Variants in ITPRID2 observed in about 807,000 individuals in gnomAD.
The protein encoded by ITPRID2 is protein ITPRID2.
In ITPRID2, 60 loss-of-function variants were observed where a neutral mutation model predicts 124.3. The ratio of observed to expected loss-of-function variants is 0.48; its 90% confidence interval spans 0.39 to 0.60. The LOEUF (loss-of-function observed/expected upper bound fraction) is 0.60, where lower values mean the gene tolerates loss of function less well. Among genes scored for constraint, ITPRID2 ranks in the 20% least tolerant of loss-of-function variants. The probability of loss-of-function intolerance (pLI) is 0.00; values close to 1 mark genes in which losing one functional copy is unlikely to be tolerated. For missense variants in ITPRID2, 1,553 were observed against 1,512.2 expected, an observed-to-expected ratio of 1.03 and a Z score of -0.45; for synonymous variants, 521 against 542.9, an observed-to-expected ratio of 0.96 and a Z score of 0.56.
chr2:181,922,145 CA>C lies in ITPRID2; in HGVS notation c.3411del (p.Lys1137AsnfsTer6). Reference sequence around the variant, plus strand: ...GAGTACCTTCTACTGCCTCAGTGGGCAAATCCAAAACCCCATTAGTGGCAAG... The same window carrying C: ...GAGTACCTTCTACTGCCTCAGTGGGCAATCCAAAACCCCATTAGTGGCAAG... ...TGVPSTASVG[K>X]SKTPLVARKK... On this transcript the variant is annotated frameshift_variant, in exon 16 of 18. Transcript: ENST00000431877. LOFTEE classifies it high-confidence loss of function. 6.2e-7 allele frequency: 1 copy of C among 1,614,228 alleles called. No individual in the cohort carries two copies. Among genetic ancestry groups the C allele is most frequent in the Non-Finnish European group, 8.5e-7 (1 of 1,180,044 alleles).
rs544408429 is a variant in ITPRID2, at chr2:181,928,169, G to C, written c.3684G>C (p.Glu1228Asp). 1.3e-6 allele frequency: 2 copies of C among 1,545,684 alleles called. No individual in the cohort carries two copies. The highest frequency in any genetic ancestry group is 8.7e-7 in the Non-Finnish European group (1 of 1,143,450). Residue 1228 changes from glutamate to aspartate, a missense_variant, in exon 17 of 18, where the codon GAG becomes GAC. Physicochemically the swap from Glu to Asp is conservative, Grantham distance 45. Transcript: ENST00000431877. ...TTGTTTTTCCAATCTAGATTAAAGA[G>C]TCTATTGTTGGGGAAATCAGACGGG... ...ELQQVIREIK[E>D]SIVGEIRREI...
At chr2:181,929,430 G>A (rs1695118614) in intron 17 of ITPRID2, 131 bp from the exon 18 acceptor site, 1 of 512,426 alleles carries the variant, frequency 2.0e-6, no homozygotes, top group South Asian at 3.7e-5. Flanking sequence ...TCAGGAAGAT[G>A]TATAGAGATT....
chr2:181,920,001 T>C (rs970775685), intron 14 of ITPRID2, among the ~76,000 whole-genome samples: 2 of 152,156 alleles, frequency 1.3e-5, no homozygotes, highest in African/African-American at 4.8e-5. Flanking sequence ...AGAAACATGT[T>C]TTTGTACCAC....
chr2:181,894,745 C>T (rs1055597856), intron 2 of ITPRID2: 5 of 152,034 alleles, frequency 3.3e-5, no homozygotes, highest in African/African-American at 1.2e-4. Flanking sequence ...TAAGTAAAAA[C>T]TGCTTGAATT....
intron 9 of ITPRID2, among the ~76,000 whole-genome samples, chr2:181,912,642 T>C (rs1693694272): frequency 6.6e-6 from 1 of 152,204 alleles, no homozygotes; most frequent in African/African-American, 2.4e-5. Context: ...ATGAATATGG[T>C]TTTGGTAAAC....
chr2:181,893,682 T>G (rs1466390603), intron 2 of ITPRID2: 5 of 152,174 alleles, frequency 3.3e-5, no homozygotes, highest in Non-Finnish European at 5.9e-5. Flanking sequence ...TAACTTCTGT[T>G]TAAAGATGCA....
intron 8 of ITPRID2, among the ~76,000 whole-genome samples, chr2:181,903,261 G>A (rs1399839260): frequency 6.6e-6 from 1 of 152,158 alleles, no homozygotes; most frequent in Non-Finnish European, 1.5e-5. Context: ...GTACTTCATT[G>A]CAGTCTGTGA....
intron 9 of ITPRID2, among the ~76,000 whole-genome samples, chr2:181,913,288 C>A (rs1693766168): frequency 6.6e-6 from 1 of 152,064 alleles, no homozygotes; most frequent in Non-Finnish European, 1.5e-5. Flanking sequence ...AGGATGGTCT[C>A]GATCTCCTAA....
At chr2:181,893,256 A>G (rs1414398869) in intron 2 of ITPRID2, 1 of 152,874 alleles carries the variant, frequency 6.5e-6, no homozygotes, top group Non-Finnish European at 1.5e-5. Flanking sequence ...TGCTTTGGCA[A>G]CTGGTACAAA....
At chr2:181,917,096 C>A in intron 11 of ITPRID2, 1 of 878,700 alleles carries the variant, frequency 1.1e-6, no homozygotes, top group South Asian at 5.2e-5. Context: ...AATAATTTTC[C>A]CAAAAAAATT....
At chr2:181,928,783 G>A (rs1402335632) in intron 17 of ITPRID2, among the ~76,000 whole-genome samples, 7 of 152,066 alleles carry the variant, frequency 4.6e-5, no homozygotes, top group African/African-American at 1.7e-4. Context: ...CAGCCACTAC[G>A]CCCGGCTAAT....
chr2:181,902,913 G>A lies in ITPRID2; in HGVS notation c.1413+447G>A, dbSNP rs150970688. ...CTCAGTGGTAAGGATATGTGAAGGC[G>A]GCTTTGGGGATAGTTCTTGTTATAT... On this transcript the variant is annotated intron_variant, in intron 8 of 17. Transcript: ENST00000431877. This position sits in a 1 kb window ranked among gnomAD's most constrained non-coding sequence, Gnocchi z 4.4. Among the ~76,000 whole-genome samples, 521 of 152,262 alleles carry A rather than the reference G, an allele frequency of 3.4e-3. 5 individuals carry two copies. The highest frequency in any genetic ancestry group is 0.019 in the South Asian group (93 of 4,824).
At chr2:181,920,120 A>G (rs1694374754) in intron 14 of ITPRID2, among the ~76,000 whole-genome samples, 1 of 152,176 alleles carries the variant, frequency 6.6e-6, no homozygotes. Context: ...ATGCTGAAAT[A>G]GTGAATTATT....
rs774516252 is a variant in ITPRID2, at chr2:181,922,142, G to C, written c.3405G>C (p.Val1135=). 1 of 1,614,166 alleles carries C rather than the reference G, an allele frequency of 6.2e-7. No homozygotes were observed. The highest frequency in any genetic ancestry group is 1.7e-5 in the Admixed American group (1 of 60,028). ...RRTGVPSTAS[V]GKSKTPLVAR... ...CTGGAGTACCTTCTACTGCCTCAGT[G>C]GGCAAATCCAAAACCCCATTAGTGG... The change falls in exon 16 of 18, where the codon GTG becomes GTC. Residue 1135 remains valine, a synonymous_variant. Transcript: ENST00000431877.
chr2:181,923,231 C>T (rs959868701), intron 16 of ITPRID2, among the ~76,000 whole-genome samples: 2 of 152,074 alleles, frequency 1.3e-5, no homozygotes, highest in African/African-American at 2.4e-5. Flanking sequence ...TAGAATATAT[C>T]GTTTAAACAG....
intron 6 of ITPRID2, among the ~76,000 whole-genome samples, chr2:181,899,932 G>T (rs1355755870): frequency 5.9e-5 from 9 of 152,180 alleles, no homozygotes; most frequent in Non-Finnish European, 1.2e-4. Context: ...AGTTTAAACT[G>T]TTATCCAAAT....
In ITPRID2 at chr2:181,921,878, G is replaced by A. The variant is rs546058404; in HGVS notation, c.3211-70G>A. 1.2e-4 allele frequency: 167 copies of A among 1,373,432 alleles called. 2 individuals carry two copies. The highest frequency in any genetic ancestry group is 1.7e-4 in the Admixed American group (8 of 46,414). The allele number at this position is 1,373,432 out of a possible 1,614,324, so 85.1% of individuals were successfully genotyped here. On this transcript the variant is annotated intron_variant, in intron 15 of 17. Coordinates refer to ENST00000431877, the MANE Select transcript of ITPRID2 (RefSeq NM_001130445.3). ...TGATTTTAGGCAATAATGACAACCAGGACTTTAACCTTTTTAGCTACCAAT... is the reference window on the plus strand; with the variant it reads ...TGATTTTAGGCAATAATGACAACCAAGACTTTAACCTTTTTAGCTACCAAT...
rs199523016 is a variant in ITPRID2, at chr2:181,913,077, A to AT, written c.1487-760dup. Among the ~76,000 whole-genome samples the AT allele has an allele frequency of 3.9e-3, 597 of 151,234 alleles. 4 individuals are homozygous for AT. Among genetic ancestry groups the AT allele is most frequent in the African/African-American group, 0.014 (563 of 41,168 alleles). On this transcript the variant is annotated intron_variant, in intron 9 of 17. Transcript: ENST00000431877. Reference sequence around the variant, plus strand: ...CTTAATTGTATTTATTTATTTATTTATTTTTTTTGAGACGGAGTCTTGCTC... The same window carrying AT: ...CTTAATTGTATTTATTTATTTATTTATTTTTTTTTGAGACGGAGTCTTGCTC...
intron 8 of ITPRID2, among the ~76,000 whole-genome samples, chr2:181,908,565 G>T (rs771025410): frequency 6.6e-6 from 1 of 152,132 alleles, no homozygotes; most frequent in Non-Finnish European, 1.5e-5. Flanking sequence ...AGATAACAAA[G>T]AATAGTAGAA....
Sources: allele counts gnomAD v4.1 joint callset (sites outside exome capture counted in the v4.1 genomes callset), GRCh38; gene constraint gnomAD v4.1.1; non-coding constraint Gnocchi (gnomAD v3.1); transcripts MANE v1.5; gene names NCBI Gene and HGNC (gene_info 2026-07-23, HGNC 2026-07-21).